The following TAAR9 variants were observed in gnomAD, a reference collection of about 807,000 sequenced individuals.
TAAR9 encodes trace amine-associated receptor 9.
For missense variants in TAAR9, 453 were observed against 409.4 expected (o/e 1.11, Z -0.92); for synonymous variants, 162 against 152.6 (o/e 1.06, Z -0.45).
At position 132,539,079 on chromosome 6, in the gene TAAR9, A is replaced by G. The variant is rs1041287476; in HGVS notation, c.790A>G (p.Met264Val). ...GGCTGCCAAAACCTTGGGAATTGCT[A>G]TGGCAGCATTTCTTGTCTCTTGGCT... The change falls in exon 1 of 1, where the codon ATG becomes GTG. Residue 264 changes from methionine to valine, a missense_variant. Met to Val is a conservative substitution (Grantham distance 21). Transcript: ENST00000434551. 2.9e-5 allele frequency: 44 copies of G among 1,537,026 alleles called. No individual in the cohort carries two copies. The highest frequency in any genetic ancestry group is 3.6e-5 in the Non-Finnish European group (41 of 1,147,712).
In TAAR9 at chr6:132,538,372, C is replaced by G. The variant is rs1477383952; in HGVS notation, c.83C>G (p.Ser28Trp). The change falls in exon 1 of 1, where the codon TCG becomes TGG. Residue 28 changes from serine (S) to tryptophan (W), a missense_variant. By Grantham distance (177) the Ser-to-Trp change is radical. Transcript: ENST00000434551. ...GAATCCTGCATTAAAACTCCTTACT[C>G]GCCAGGTCCTCGATCTATCCTCTAC... 1 of 1,613,644 alleles carries G rather than the reference C, an allele frequency of 6.2e-7. No homozygotes were observed. The highest frequency in any genetic ancestry group is 1.3e-5 in the African/African-American group (1 of 75,042).
At chr6:132,538,696 A>G in exon 1 of TAAR9, 1 of 1,613,122 alleles carries the variant, frequency 6.2e-7, no homozygotes, top group Non-Finnish European at 8.5e-7. Flanking sequence ...GCTGTTACTG[A>G]TCCTCTGACC....
In TAAR9 at chr6:132,538,379, T is replaced by G. The variant is rs985066675; in HGVS notation, c.90T>G (p.Gly30=). 1.9e-6 allele frequency: 3 copies of G among 1,613,644 alleles called. No homozygotes were observed. In the African/African-American group the frequency reaches 4.0e-5, roughly 22 times the overall value. The change falls in exon 1 of 1, where the codon GGT becomes GGG. Residue 30 remains glycine, a synonymous_variant. Coordinates refer to ENST00000434551, the Ensembl canonical transcript of TAAR9. ...GCATTAAAACTCCTTACTCGCCAGG[T>G]CCTCGATCTATCCTCTACGCCGTCC... is the stretch of plus-strand genomic sequence containing the variant.
In TAAR9 at chr6:132,538,505, G is replaced by A. The variant is rs562551467; in HGVS notation, c.216G>A (p.Ala72=). The change falls in exon 1 of 1, where the codon GCG becomes GCA. Residue 72 remains alanine, a synonymous_variant. Coordinates refer to ENST00000434551, the Ensembl canonical transcript of TAAR9. ...ACACACCTACAAACTTTCTGATTGC[G>A]TCGCTGGCCTGTGCTGACTTCTTGG... is the stretch of plus-strand genomic sequence containing the variant. 168 of 1,613,136 alleles carry A rather than the reference G, an allele frequency of 1.0e-4. 2 individuals are homozygous for A. In the South Asian group the frequency reaches 1.5e-3, roughly 14 times the overall value.
chr6:132,538,861 A>G (rs1185810307), exon 1 of TAAR9: 2 of 1,613,302 alleles, frequency 1.2e-6, no homozygotes, highest in Non-Finnish European at 1.7e-6. Flanking sequence ...GGAGGCTGCC[A>G]GGCTCCACTG....
exon 1 of TAAR9, chr6:132,538,392 C>G: frequency 1.2e-6 from 2 of 1,613,828 alleles, no homozygotes; most frequent in Non-Finnish European, 1.7e-6. Context: ...TCGATCTATC[C>G]TCTACGCCGT....
In TAAR9 at chr6:132,539,094, G is replaced by A. The variant is rs745772719; in HGVS notation, c.805G>A (p.Val269Ile). 1.2e-5 allele frequency: 18 copies of A among 1,542,064 alleles called. 1 individual carries two copies. The South Asian group carries it at 2.1e-4, about 18-fold the overall frequency. ...GGGAATTGCTATGGCAGCATTTCTT[G>A]TCTCTTGGCTACCATACCTCGTTGA... is the stretch of plus-strand genomic sequence containing the variant. The change falls in exon 1 of 1, where the codon GTC (valine) becomes ATC (isoleucine). Residue 269 changes from valine (V) to isoleucine (I), a missense_variant. By Grantham distance (29) the Val-to-Ile change is conservative. Transcript: ENST00000434551.
exon 1 of TAAR9, chr6:132,539,332 A>G (rs1026184489): frequency 1.3e-6 from 2 of 1,598,566 alleles, no homozygotes; most frequent in African/African-American, 2.7e-5. Context: ...GTAGAGACAG[A>G]TTAAAAACAT....
chr6:132,538,908 T>G, exon 1 of TAAR9: 1 of 1,601,548 alleles, frequency 6.2e-7, no homozygotes, highest in South Asian at 1.1e-5. Context: ...TCTTCTATTC[T>G]TTATACCCAA....
chr6:132,539,025 A>C lies in TAAR9; in HGVS notation c.736A>C (p.Lys246Gln), dbSNP rs142833643. 4.9e-4 allele frequency: 752 copies of C among 1,529,334 alleles called. 9 individuals carry two copies. The African/African-American group carries it at 9.9e-3, about 20-fold the overall frequency. 94.7% of individuals were successfully genotyped at this position (1,529,334 alleles called of 1,614,324 possible). A position where few individuals can be genotyped will look rare whatever the true frequency, so the allele number is the denominator to read the frequency against. The change falls in exon 1 of 1, where the codon AAG (lysine) becomes CAG (glutamine). Residue 246 changes from lysine (K) to glutamine (Q), a missense_variant. By Grantham distance (53) the Lys-to-Gln change is moderately conservative (BLOSUM62 1). Transcript: ENST00000434551. ...AGCTCAGTCCTCCTCAGAGAGTTAC[A>C]AGGAAAGAGTAGCAAAAAGAGAGAG...
rs781600032 is a variant in TAAR9, at chr6:132,538,598, T to C, written c.309T>C (p.Ser103=). The change falls in exon 1 of 1, where the codon AGT becomes AGC. Residue 103 remains serine, a synonymous_variant. Coordinates refer to ENST00000434551, the Ensembl canonical transcript of TAAR9. ...AGAGCTGTTGGTACTTTGGGGACAG[T>C]TACTGTAAATTCCATACATGTTTTG... 2.5e-6 allele frequency: 4 copies of C among 1,587,076 alleles called. No individual in the cohort carries two copies. The Admixed American group carries it at 7.0e-5, about 28-fold the overall frequency.
exon 1 of TAAR9, chr6:132,539,132 T>C: frequency 2.5e-6 from 4 of 1,571,652 alleles, no homozygotes; most frequent in Non-Finnish European, 3.4e-6. Context: ...CAGTGATTGA[T>C]GCTTATATGA....
chr6:132,538,520 T>C (rs1221170651), exon 1 of TAAR9: 4 of 1,612,474 alleles, frequency 2.5e-6, no homozygotes, highest in African/African-American at 2.7e-5. Context: ...TGGCCTGTGC[T>C]GACTTCTTGG....
chr6:132,538,908 T>C, exon 1 of TAAR9: 1 of 1,601,548 alleles, frequency 6.2e-7, no homozygotes, highest in Admixed American at 1.7e-5. Context: ...TCTTCTATTC[T>C]TTATACCCAA....
chr6:132,539,103 C>T (rs1776259967), exon 1 of TAAR9: 2 of 1,548,494 alleles, frequency 1.3e-6, no homozygotes, highest in South Asian at 1.3e-5. Context: ...TGTCTCTTGG[C>T]TACCATACCT....
exon 1 of TAAR9, chr6:132,538,564 G>C: frequency 1.3e-6 from 2 of 1,598,994 alleles, no homozygotes; most frequent in South Asian, 2.2e-5. Flanking sequence ...AGCACAGTGA[G>C]GTCTGTGGAG....
chr6:132,538,868 A>G (rs1314618077), exon 1 of TAAR9: 6 of 1,613,032 alleles, frequency 3.7e-6, no homozygotes, highest in East Asian at 2.2e-5. Context: ...GCCAGGCTCC[A>G]CTGAATCAAA....
chr6:132,538,758 T>C (rs1216391512), exon 1 of TAAR9: 2 of 1,613,958 alleles, frequency 1.2e-6, no homozygotes, highest in Admixed American at 1.7e-5. Flanking sequence ...TGTTCTTTCC[T>C]GGTTCTTTTC....
At chr6:132,539,300 AACT>A in exon 1 of TAAR9, 1 of 1,611,352 alleles carries the variant, frequency 6.2e-7, no homozygotes, top group Non-Finnish European at 8.5e-7. Flanking sequence ...ATTCGTCAAC[AACT>A]AATTTATTTT....
Sources: allele counts gnomAD v4.1 joint callset, GRCh38; gene constraint gnomAD v4.1.1; transcripts MANE v1.5; gene names NCBI Gene and HGNC (gene_info 2026-07-23, HGNC 2026-07-21).